ATXN1: variants seen among roughly 807,000 people sequenced by gnomAD.
ATXN1 encodes ataxin 1, also known as ataxin-1.
In ATXN1, 8 loss-of-function variants were observed where a neutral mutation model predicts 56.4. That is an observed-to-expected ratio of 0.14 (90% CI 0.08 to 0.26). The LOEUF (loss-of-function observed/expected upper bound fraction) is 0.26. ATXN1 is among the 10% of genes least tolerant of loss of function. The pLI, the probability that ATXN1 is intolerant of heterozygous loss-of-function variation, is 1.00. For synonymous variants in ATXN1, 514 were observed against 494.6 expected, an observed-to-expected ratio of 1.04 and a Z score of -0.52; for missense variants, 987 against 1,106.5, an observed-to-expected ratio of 0.89 and a Z score of 1.53.
intron 6 of ATXN1, among the ~76,000 whole-genome samples, chr6:16,394,872 G>A (rs1758421058): frequency 6.6e-6 from 1 of 152,136 alleles, no homozygotes; most frequent in Non-Finnish European, 1.5e-5. Context: ...GCTAATTCAT[G>A]GTATAACTTT....
intron 6 of ATXN1, among the ~76,000 whole-genome samples, chr6:16,402,273 T>G (rs1326010558): frequency 8.6e-5 from 10 of 116,124 alleles, no homozygotes; most frequent in African/African-American, 2.3e-4. Flanking sequence ...TTTTTTTTTT[T>G]TTTTTTTGCT....
At chr6:16,336,015 T>G (rs2113430126) in intron 6 of ATXN1, among the ~76,000 whole-genome samples, 1 of 152,372 alleles carries the variant, frequency 6.6e-6, no homozygotes, top group Admixed American at 6.5e-5. Flanking sequence ...TTTTGGTAAT[T>G]TATTATGGCA....
intron 4 of ATXN1, among the ~76,000 whole-genome samples, chr6:16,541,332 A>G (rs893259692): frequency 2.6e-5 from 4 of 152,184 alleles, no homozygotes; most frequent in Admixed American, 2.6e-4. Context: ...CCCATGGGGG[A>G]AGGCAGAGGA....
intron 5 of ATXN1, among the ~76,000 whole-genome samples, chr6:16,505,571 A>T (rs1252630217): frequency 6.6e-5 from 10 of 152,230 alleles, no homozygotes; most frequent in Admixed American, 2.0e-4. Flanking sequence ...TGCAATAAAA[A>T]AGAAGGGGCC....
intron 3 of ATXN1, among the ~76,000 whole-genome samples, chr6:16,629,263 T>C (rs1203252477): frequency 6.6e-6 from 1 of 152,214 alleles, no homozygotes; most frequent in Non-Finnish European, 1.5e-5. Flanking sequence ...ATTGGCCATA[T>C]GTCTTCTTTT....
chr6:16,311,352 G>T (rs1044717025), intron 7 of ATXN1, among the ~76,000 whole-genome samples: 2 of 152,050 alleles, frequency 1.3e-5, no homozygotes, highest in Non-Finnish European at 2.9e-5. Flanking sequence ...TGTGCCTCCT[G>T]ACCTCTACCC....
rs1452787069 is a variant in ATXN1, at chr6:16,402,246, T to TTG, written c.-160-73777_-160-73776insCA. ...ACTTCTCGCCAACCACTGACAGTTT[T>TTG]TTTTTTTTTTTTTTTTTTTTTTTTT... On this transcript the variant is annotated intron_variant, in intron 6 of 7. Transcript: ENST00000436367. Among the ~76,000 whole-genome samples the TTG allele has an allele frequency of 1.0e-3, 5 of 4,944 alleles. 2 individuals are homozygous for TTG. The highest frequency in any genetic ancestry group is 1.1e-3 in the Non-Finnish European group (3 of 2,740). 3.2% of individuals were successfully genotyped at this position (4,944 alleles called of 152,430 possible).
chr6:16,345,046 T>C (rs1561860386), intron 6 of ATXN1, among the ~76,000 whole-genome samples: 1 of 152,240 alleles, frequency 6.6e-6, no homozygotes, highest in African/African-American at 2.4e-5. Flanking sequence ...ACTGTTCTTA[T>C]CTTGTGTCCA....
intron 3 of ATXN1, among the ~76,000 whole-genome samples, chr6:16,608,682 C>A (rs750793562): frequency 2.0e-5 from 3 of 152,166 alleles, no homozygotes; most frequent in Non-Finnish European, 2.9e-5. Flanking sequence ...AAGTGACTGG[C>A]TGCTACTTGA....
At chr6:16,336,559 A>G (rs551762824) in intron 6 of ATXN1, among the ~76,000 whole-genome samples, 1 of 152,316 alleles carries the variant, frequency 6.6e-6, no homozygotes, top group East Asian at 1.9e-4. Context: ...GAGTGGTGAG[A>G]CTGCAGAAGG....
intron 6 of ATXN1, among the ~76,000 whole-genome samples, chr6:16,471,301 T>C (rs546149288): frequency 5.0e-4 from 76 of 152,260 alleles, no homozygotes; most frequent in African/African-American, 1.7e-3. Flanking sequence ...CAATGTAAGT[T>C]AATCACAGGA....
chr6:16,712,693 T>C (rs1237991599), intron 2 of ATXN1, among the ~76,000 whole-genome samples: 1 of 150,454 alleles, frequency 6.6e-6, no homozygotes, highest in Non-Finnish European at 1.5e-5. Flanking sequence ...GGCAGGGACC[T>C]GAACATATCC....
At chr6:16,366,741 A>G (rs922085887) in intron 6 of ATXN1, among the ~76,000 whole-genome samples, 1 of 150,954 alleles carries the variant, frequency 6.6e-6, no homozygotes, top group Non-Finnish European at 1.5e-5. Context: ...AGACTACACC[A>G]CTACACTCCA....
At chr6:16,687,232 G>C (rs570898542) in intron 2 of ATXN1, among the ~76,000 whole-genome samples, 1 of 152,036 alleles carries the variant, frequency 6.6e-6, no homozygotes, top group Non-Finnish European at 1.5e-5. Flanking sequence ...TTAAACTTTC[G>C]ACTTTCGTGA....
At position 16,327,165 on chromosome 6, in the gene ATXN1, C is replaced by T. The variant is rs1204582901; in HGVS notation, c.1146G>A (p.Val382=). Residue 382 remains valine, a synonymous_variant, in exon 7 of 8, where the codon GTG becomes GTA. Coordinates refer to ENST00000436367, the MANE Select transcript of ATXN1 (RefSeq NM_001128164.2). ...GCGTGTTGCTGTTGGGCAGGACCATCACAGAGGCCCGGACCCCCGAAGGAT... is the reference window on the plus strand; with the variant it reads ...GCGTGTTGCTGTTGGGCAGGACCATTACAGAGGCCCGGACCCCCGAAGGAT... The part of the protein sequence containing the change: ...SRDPSGVRAS[V]MVLPNSNTPA... 2 of 1,613,720 alleles carry T rather than the reference C, an allele frequency of 1.2e-6. No homozygotes were observed. The highest frequency in any genetic ancestry group is 1.7e-5 in the Admixed American group (1 of 60,016).
intron 6 of ATXN1, among the ~76,000 whole-genome samples, chr6:16,409,156 G>A (rs146540203): frequency 2.0e-5 from 3 of 152,160 alleles, no homozygotes; most frequent in East Asian, 3.9e-4. Context: ...AGGAATAAAT[G>A]ACTCGGACTT....
intron 6 of ATXN1, among the ~76,000 whole-genome samples, chr6:16,352,241 A>G (rs1449992718): frequency 6.6e-6 from 1 of 152,214 alleles, no homozygotes; most frequent in Admixed American, 6.5e-5. Context: ...AACGTTTCCA[A>G]CGTAGAAGAT....
rs142718286 is a variant in ATXN1 at position 16,651,640 on chromosome 6, T to A, written c.-489+6136A>T. Among the ~76,000 whole-genome samples the A allele has an allele frequency of 2.7e-3, 404 of 152,008 alleles. 1 individual carries two copies. The highest frequency in any genetic ancestry group is 4.4e-3 in the Non-Finnish European group (296 of 68,004). On this transcript the variant is annotated intron_variant, in intron 3 of 7. Coordinates refer to ENST00000436367, the MANE Select transcript of ATXN1 (RefSeq NM_001128164.2). The stretch of plus-strand genomic sequence containing the variant: ...TCAACAAATGGTGAGCTAGTGACCC[T>A]GGAGCCCATAAACGTAGGACAATGA...
intron 6 of ATXN1, among the ~76,000 whole-genome samples, chr6:16,363,784 G>C (rs1450712328): frequency 1.3e-5 from 2 of 152,174 alleles, no homozygotes; most frequent in Non-Finnish European, 2.9e-5. Flanking sequence ...TCAGGAGTGA[G>C]TTAGTAAGCA....
Sources: allele counts gnomAD v4.1 joint callset (sites outside exome capture counted in the v4.1 genomes callset), GRCh38; gene constraint gnomAD v4.1.1; transcripts MANE v1.5; gene names NCBI Gene and HGNC (gene_info 2026-07-23, HGNC 2026-07-21).